USP53: variants seen among roughly 807,000 people sequenced by gnomAD.
USP53 encodes ubiquitin specific peptidase 53.
A neutral mutation model predicts 94.9 loss-of-function variants in USP53; 71 were observed. The ratio of observed to expected loss-of-function variants is 0.75; its 90% CI spans 0.62 to 0.91. USP53 has a LOEUF of 0.91. Ranked by LOEUF, USP53 falls within the 40% of genes least tolerant of loss-of-function variation. The pLI is 0.00. For missense variants in USP53, 1,173 were observed against 1,281.0 expected (o/e 0.92, Z 1.29); for synonymous variants, 375 against 422.7 (o/e 0.89, Z 1.39).
At chr4:119,272,334 G>A in intron 16 of USP53, 1 of 214,728 alleles carries the variant, frequency 4.7e-6, no homozygotes, top group Non-Finnish European at 9.3e-6. Context: ...TCATTGTTGT[G>A]TCACTGTCAA....
intron 17 of USP53, among the ~76,000 whole-genome samples, chr4:119,281,212 C>T (rs1446175938): frequency 6.6e-6 from 1 of 152,098 alleles, no homozygotes; most frequent in Non-Finnish European, 1.5e-5. Context: ...ATTGGGAGTA[C>T]ATACCTGAAG....
At chr4:119,275,953 C>G (rs1022041698) in intron 17 of USP53, among the ~76,000 whole-genome samples, 1 of 147,616 alleles carries the variant, frequency 6.8e-6, no homozygotes, top group African/African-American at 2.5e-5. Flanking sequence ...GATTTTGTAT[C>G]CTGAGACTTT....
intron 17 of USP53, among the ~76,000 whole-genome samples, chr4:119,282,674 T>C (rs1753635645): frequency 6.6e-6 from 1 of 152,070 alleles, no homozygotes; most frequent in South Asian, 2.1e-4. Flanking sequence ...ATGTATTCCC[T>C]TCCCCCAGTC....
chr4:119,213,429 G>C (rs1392129386), intron 1 of USP53, among the ~76,000 whole-genome samples: 1 of 151,924 alleles, frequency 6.6e-6, no homozygotes, highest in Non-Finnish European at 1.5e-5. Flanking sequence ...CTAAAGGGCG[G>C]CTTACGGGGC....
chr4:119,256,563 A>G, intron 9 of USP53, 40 bp downstream of exon 9: 2 of 1,582,898 alleles, frequency 1.3e-6, no homozygotes, highest in African/African-American at 2.7e-5. Flanking sequence ...CGATATTAAT[A>G]ACATATTTAA....
At chr4:119,254,428 C>A (rs1749478757) in intron 7 of USP53, among the ~76,000 whole-genome samples, 1 of 152,132 alleles carries the variant, frequency 6.6e-6, no homozygotes, top group African/African-American at 2.4e-5. Context: ...TCTTTTCAGT[C>A]TTTTTTGTCT....
At chr4:119,255,296 G>T (rs1418366104) in intron 7 of USP53, among the ~76,000 whole-genome samples, 3 of 152,200 alleles carry the variant, frequency 2.0e-5, no homozygotes, top group Non-Finnish European at 2.9e-5. Flanking sequence ...TGCAGAAGCT[G>T]TCTGCTGCCT....
intron 17 of USP53, among the ~76,000 whole-genome samples, chr4:119,290,856 A>G (rs1016526928): frequency 1.3e-5 from 2 of 152,180 alleles, no homozygotes; most frequent in African/African-American, 4.8e-5. Flanking sequence ...CTTGGTCAGT[A>G]AAGATCTTGT....
chr4:119,271,878 A>C lies in USP53; in HGVS notation c.2018A>C (p.Lys673Thr). Residue 673 changes from lysine (K) to threonine (T), a missense_variant, in exon 16 of 19, where the codon AAA (lysine) becomes ACA (threonine). Lys to Thr is a moderately conservative substitution (Grantham distance 78). Transcript: ENST00000692078. ...AEKNKGLVEG[K>T]VHGDNWQMQR... ...AAAAATAAAGGCCTTGTAGAGGGTAAAGTGCATGGTGATAATTGGCAGATG... is the reference window on the plus strand; with the variant it reads ...AAAAATAAAGGCCTTGTAGAGGGTACAGTGCATGGTGATAATTGGCAGATG... 1 of 1,614,160 alleles carries C rather than the reference A, an allele frequency of 6.2e-7. No individual in the cohort carries two copies. The highest frequency in any genetic ancestry group is 8.5e-7 in the Non-Finnish European group (1 of 1,180,010).
intron 7 of USP53, among the ~76,000 whole-genome samples, chr4:119,254,203 TG>T (rs1371822251): frequency 1.3e-5 from 2 of 152,344 alleles, no homozygotes; most frequent in East Asian, 3.9e-4. Flanking sequence ...GTCTTTTGGT[TG>T]CTCTTCTCAA....
intron 7 of USP53, 53 bp from the exon 8 acceptor site, chr4:119,256,193 C>A: frequency 1.5e-6 from 2 of 1,312,156 alleles, no homozygotes; most frequent in Non-Finnish European, 2.1e-6. Flanking sequence ...TTATATTTTG[C>A]TGTGTTCCCT....
chr4:119,267,360 G>A lies in USP53; in HGVS notation c.1013G>A (p.Arg338Gln), dbSNP rs754713918. The A allele has an allele frequency of 6.8e-6, 11 of 1,613,640 alleles. No homozygotes were observed. The highest frequency in any genetic ancestry group is 4.0e-5 in the African/African-American group (3 of 74,796). The change falls in exon 13 of 19, where the codon CGA (arginine) becomes CAA (glutamine). Residue 338 changes from arginine (R) to glutamine (Q), a missense_variant. Coordinates refer to ENST00000692078, the MANE Select transcript of USP53 (RefSeq NM_001371395.1). ...AAAGATGTTGTCTCCAAATGCATTC[G>A]ATGCCACTTTCAGCCACTACTTTTG... ...RWKDVVSKCI[R>Q]CHFQPLLLFY...
chr4:119,239,876 C>T lies in USP53; in HGVS notation c.117C>T (p.Asn39=), dbSNP rs745815552. 6.2e-7 allele frequency: 1 copy of T among 1,607,574 alleles called. No homozygotes were observed. The highest frequency in any genetic ancestry group is 2.2e-5 in the East Asian group (1 of 44,756). The change falls in exon 5 of 19, where the codon AAC becomes AAT. Residue 39 remains asparagine (N), a synonymous_variant. Transcript: ENST00000692078. ...TKGLLNEPGQ[N]SCFLNSAVQV... is the part of the protein sequence containing the mutation. ...GCTTGTTAAATGAACCAGGACAAAA[C>T]AGCTGCTTTCTTAATAGCGCTGTAC...
chr4:119,279,195 A>T (rs1354766878), intron 17 of USP53, among the ~76,000 whole-genome samples: 3 of 135,964 alleles, frequency 2.2e-5, no homozygotes, highest in Admixed American at 7.6e-5. Flanking sequence ...TAGAGTTTCC[A>T]GTTTTTCTGT....
chr4:119,275,535 GC>G (rs1752507254), intron 17 of USP53, among the ~76,000 whole-genome samples: 1 of 147,268 alleles, frequency 6.8e-6, no homozygotes, highest in African/African-American at 2.5e-5. Context: ...GTAGTGTGAT[GC>G]CTCCAGCTTT....
chr4:119,259,644 GC>G (rs1313709376), intron 9 of USP53, among the ~76,000 whole-genome samples, 175 bp from the exon 10 acceptor site: 2 of 151,904 alleles, frequency 1.3e-5, no homozygotes, highest in Non-Finnish European at 2.9e-5. Flanking sequence ...TTATATACTT[GC>G]CAAATTTAAT....
chr4:119,286,661 T>G (rs1754151741), intron 17 of USP53, among the ~76,000 whole-genome samples: 1 of 152,066 alleles, frequency 6.6e-6, no homozygotes, highest in Admixed American at 6.5e-5. Flanking sequence ...TGTTTCTTGT[T>G]TGTGAATATT....
intron 7 of USP53, among the ~76,000 whole-genome samples, chr4:119,255,916 G>A (rs1392191023): frequency 6.6e-6 from 1 of 152,106 alleles, no homozygotes; most frequent in Admixed American, 6.5e-5. Context: ...TTCTTCATTT[G>A]AGAATGTTGG....
At chr4:119,242,305 G>C (rs1256625030) in intron 5 of USP53, among the ~76,000 whole-genome samples, 1 of 152,166 alleles carries the variant, frequency 6.6e-6, no homozygotes, top group Non-Finnish European at 1.5e-5. Context: ...CTGGGACAGA[G>C]TTTATTTATT....
Sources: gnomAD v4.1 joint callset for allele counts (sites outside exome capture counted in the v4.1 genomes callset) on GRCh38, gnomAD v4.1.1 for gene constraint, MANE v1.5 for transcripts, NCBI Gene and HGNC (gene_info 2026-07-23, HGNC 2026-07-21) for gene names.